GLI3: variants seen among roughly 807,000 people sequenced by gnomAD.
GLI3 encodes the protein GLI family zinc finger 3, also known as transcription activator GLI3.
In GLI3, 20 loss-of-function variants were observed where a neutral mutation model predicts 100.8. That is an observed-to-expected ratio of 0.20 (90% CI 0.14 to 0.29). GLI3 has a LOEUF of 0.29. Among genes scored for constraint, GLI3 ranks in the 10% least tolerant of loss-of-function variants. GLI3 has a pLI of 1.00. For missense variants in GLI3, 2,040 were observed against 2,128.5 expected (o/e 0.96, Z 0.82); for synonymous variants, 938 against 860.5 (o/e 1.09, Z -1.58).
At position 42,084,901 on chromosome 7, in the gene GLI3, C is replaced by CTTTTTTTTTT. The variant is rs747166719; in HGVS notation, c.368-8054_368-8045dup. 1.6e-3 allele frequency among the ~76,000 whole-genome samples: 74 copies of CTTTTTTTTTT among 47,512 alleles called. 4 individuals are homozygous for CTTTTTTTTTT. The highest frequency in any genetic ancestry group is 2.0e-3 in the Non-Finnish European group (56 of 28,716). 31.2% of individuals were successfully genotyped at this position (47,512 alleles called of 152,430 possible). On this transcript the variant is annotated intron_variant, in intron 3 of 14. Transcript: ENST00000395925. Reference sequence around the variant, plus strand: ...AGCTCTAAAAATATGCATTTGGATTCTTTTTTTTTTTTTTTTTTTTTTTTT... The same window carrying CTTTTTTTTTT: ...AGCTCTAAAAATATGCATTTGGATTCTTTTTTTTTTTTTTTTTTTTTTTTTTTTTTTTTTT...
intron 3 of GLI3, chr7:42,113,767 G>T (rs763064375): frequency 6.8e-5 from 36 of 532,728 alleles, no homozygotes; most frequent in Non-Finnish European, 1.1e-4. Context: ...TGTTGTTTTT[G>T]GAGGACAGGA....
chr7:42,092,865 G>A (rs969812963), intron 3 of GLI3, among the ~76,000 whole-genome samples: 7 of 151,814 alleles, frequency 4.6e-5, no homozygotes, highest in Non-Finnish European at 1.0e-4. Flanking sequence ...CCAGGCTGGA[G>A]TGCAGTGGTG....
intron 2 of GLI3, among the ~76,000 whole-genome samples, chr7:42,188,070 T>C (rs1479513564): frequency 6.8e-6 from 1 of 146,532 alleles, no homozygotes; most frequent in African/African-American, 2.6e-5. Flanking sequence ...CATGTAAAGA[T>C]AAAGGCAAAG....
At chr7:42,218,325 G>A (rs767693703) in intron 2 of GLI3, among the ~76,000 whole-genome samples, 1 of 151,896 alleles carries the variant, frequency 6.6e-6, no homozygotes, top group Non-Finnish European at 1.5e-5. Flanking sequence ...AAGAGCTTAT[G>A]GTGAAGAATA....
chr7:42,148,434 C>G lies in GLI3; in HGVS notation c.159G>C (p.Glu53Asp). ...GCTGCATAGTGATTGCGTTTCTTCT[C>G]TCTCTGTGATAAGTCTGTCCAGGAC... ...DESPGQTYHR[E>D]RRNAITMQPQ... The change falls in exon 3 of 15, where the codon GAG (glutamate) becomes GAC (aspartate). Residue 53 changes from glutamate to aspartate, a missense_variant. Glu to Asp is a conservative substitution (Grantham distance 45). Transcript: ENST00000395925. 6.2e-7 allele frequency: 1 copy of G among 1,614,004 alleles called. No homozygotes were observed. Among genetic ancestry groups the G allele is most frequent in the Non-Finnish European group, 8.5e-7 (1 of 1,179,826 alleles).
At chr7:42,137,177 C>T (rs531424341) in intron 3 of GLI3, among the ~76,000 whole-genome samples, 1 of 152,270 alleles carries the variant, frequency 6.6e-6, no homozygotes. Context: ...GTGGTGCAGA[C>T]AGAGAGCTTA....
chr7:42,045,402 A>G lies in GLI3; in HGVS notation c.808T>C (p.Tyr270His), dbSNP rs866577917. 6.2e-7 allele frequency: 1 copy of G among 1,614,088 alleles called. No homozygotes were observed. Residue 270 changes from tyrosine to histidine, a missense_variant, in exon 6 of 15, where the codon TAT (tyrosine) becomes CAT (histidine). Physicochemically the swap from Tyr to His is moderately conservative, Grantham distance 83 (BLOSUM62 2). Around this residue, in one of 5 missense-constraint regions of GLI3, gnomAD observed 603 missense variants for 690.9 expected, o/e 0.87. Coordinates refer to ENST00000395925, the MANE Select transcript of GLI3 (RefSeq NM_000168.6). ...TAGTGAIHME[Y>H]LHAMDSTRFS... ...CACTTACTATCCATAGCATGAAGATATTCCATGTGGATGGCCCCCGTGCCG... is the reference window on the plus strand; with the variant it reads ...CACTTACTATCCATAGCATGAAGATGTTCCATGTGGATGGCCCCCGTGCCG...
chr7:42,073,548 G>A (rs568759036), intron 4 of GLI3, among the ~76,000 whole-genome samples: 5 of 152,238 alleles, frequency 3.3e-5, no homozygotes, highest in South Asian at 2.1e-4. Flanking sequence ...GCACCATATC[G>A]TTGATGCCTT....
intron 2 of GLI3, among the ~76,000 whole-genome samples, chr7:42,191,749 A>G (rs956499181): frequency 6.6e-6 from 1 of 152,032 alleles, no homozygotes; most frequent in Admixed American, 6.6e-5. Context: ...ACTTTTCACA[A>G]TAACCCTATG....
chr7:42,040,308 T>C (rs1784106580), intron 6 of GLI3, 69 bp from the exon 7 acceptor site: 11 of 1,161,370 alleles, frequency 9.5e-6, no homozygotes, highest in Non-Finnish European at 1.4e-5. Context: ...TATTGCTACT[T>C]GCCTACGTGG....
intron 1 of GLI3, among the ~76,000 whole-genome samples, chr7:42,231,062 A>G (rs1421889886): frequency 6.6e-6 from 1 of 152,206 alleles, no homozygotes; most frequent in Non-Finnish European, 1.5e-5. Context: ...AAAAAACTTT[A>G]ATTATTCTTA....
intron 10 of GLI3, among the ~76,000 whole-genome samples, chr7:42,013,397 C>G (rs1788671524): frequency 8.9e-6 from 1 of 112,948 alleles, no homozygotes; most frequent in Non-Finnish European, 1.8e-5. Flanking sequence ...TAAGACACAC[C>G]TTATTTTTTT....
At chr7:42,042,137 CG>C (rs1223479627) in intron 6 of GLI3, among the ~76,000 whole-genome samples, 5 of 151,864 alleles carry the variant, frequency 3.3e-5, no homozygotes, top group Non-Finnish European at 7.4e-5. Context: ...CTTAGCCTCC[CG>C]AGTAGCTGGG....
intron 13 of GLI3, among the ~76,000 whole-genome samples, chr7:41,970,633 G>A (rs1007956792): frequency 2.0e-5 from 3 of 152,060 alleles, no homozygotes; most frequent in African/African-American, 4.8e-5. Flanking sequence ...GAGCCAAATC[G>A]CTGTAATTTT....
intron 4 of GLI3, among the ~76,000 whole-genome samples, chr7:42,067,903 T>C (rs563108431): frequency 6.6e-6 from 1 of 152,388 alleles, no homozygotes; most frequent in South Asian, 2.1e-4. Context: ...CTTTTTCTTT[T>C]AGTGAATCTG....
At chr7:42,106,931 G>T (rs900917722) in intron 3 of GLI3, among the ~76,000 whole-genome samples, 1 of 152,032 alleles carries the variant, frequency 6.6e-6, no homozygotes, top group Non-Finnish European at 1.5e-5. Flanking sequence ...TGGGGAGGGC[G>T]GATATTTTTT....
intron 10 of GLI3, among the ~76,000 whole-genome samples, chr7:42,016,081 T>C (rs957221992): frequency 6.6e-6 from 1 of 152,070 alleles, no homozygotes; most frequent in Non-Finnish European, 1.5e-5. Context: ...GGGAGAGGCC[T>C]GGGATGCTGC....
chr7:42,164,241 C>T (rs1787192901), intron 2 of GLI3, among the ~76,000 whole-genome samples: 1 of 152,178 alleles, frequency 6.6e-6, no homozygotes, highest in Non-Finnish European at 1.5e-5. Flanking sequence ...AATCTAAAGA[C>T]CAGACATGGT....
chr7:42,071,274 T>C (rs1453128761), intron 4 of GLI3, among the ~76,000 whole-genome samples: 9 of 152,076 alleles, frequency 5.9e-5, no homozygotes, highest in Admixed American at 5.9e-4. Context: ...ACTTTGCAAT[T>C]TGATATGTCA....
Sources: allele counts gnomAD v4.1 joint callset (sites outside exome capture counted in the v4.1 genomes callset), GRCh38; gene constraint gnomAD v4.1.1; regional missense constraint gnomAD v4.1.1; transcripts MANE v1.5; gene names NCBI Gene and HGNC (gene_info 2026-07-23, HGNC 2026-07-21).